ARID2: variants seen among roughly 807,000 people sequenced by gnomAD.
ARID2 encodes AT-rich interaction domain 2, also known as AT-rich interactive domain-containing protein 2.
A neutral mutation model predicts 184.6 loss-of-function variants in ARID2; 32 were observed. The ratio of observed to expected loss-of-function variants is 0.17; its 90% CI spans 0.13 to 0.23. ARID2 has a LOEUF of 0.23. Ranked by LOEUF, ARID2 falls within the 10% of genes least tolerant of loss-of-function variation. ARID2 has a pLI of 1.00. For missense variants in ARID2, 1,696 were observed against 2,197.6 expected (o/e 0.77, Z 4.56); for synonymous variants, 836 against 772.6 (o/e 1.08, Z -1.36).
At chr12:45,849,439 C>T (rs1353403873) in intron 13 of ARID2, 141 bp from the exon 14 acceptor site, 5 of 523,932 alleles carry the variant, frequency 9.5e-6, no homozygotes, top group Admixed American at 3.7e-5. Context: ...CTTTGCTTTC[C>T]ATCCTTGCAG....
At chr12:45,902,427 A>G (rs897631304) in intron 20 of ARID2, among the ~76,000 whole-genome samples, 5 of 152,166 alleles carry the variant, frequency 3.3e-5, no homozygotes, top group Admixed American at 6.5e-5. Context: ...GAAAAATATG[A>G]TTTTGTTAAC....
chr12:45,893,868 C>A, intron 20 of ARID2, 147 bp downstream of exon 20: 1 of 594,722 alleles, frequency 1.7e-6, no homozygotes, highest in Non-Finnish European at 2.7e-6. Context: ...TAGGTCAGGC[C>A]ATGATGAGCT....
intron 6 of ARID2, 79 bp from the exon 7 acceptor site, chr12:45,836,510 C>T: frequency 7.3e-7 from 1 of 1,362,324 alleles, no homozygotes; most frequent in Non-Finnish European, 1.0e-6. Flanking sequence ...GCCACCATAC[C>T]TAGCCTGTGT....
In ARID2 at chr12:45,852,607, A is replaced by T. The variant is rs1943575663; in HGVS notation, c.4484A>T (p.His1495Leu). The change falls in exon 15 of 21, where the codon CAT becomes CTT. Residue 1495 changes from histidine (H) to leucine (L), a missense_variant. Around this residue, in one of 11 missense-constraint regions of ARID2, gnomAD observed 428 missense variants for 409.1 expected, o/e 1.05. Coordinates refer to ENST00000334344, the MANE Select transcript of ARID2 (RefSeq NM_152641.4). ...CCCGACTCAGGATCAAAAGTATCCC[A>T]TTCTCCTGCCCTATCATCTGACGTT... ...AVPDSGSKVS[H>L]SPALSSDVRS... 2 of 1,614,180 alleles carry T rather than the reference A, an allele frequency of 1.2e-6. No homozygotes were observed. The highest frequency in any genetic ancestry group is 1.7e-6 in the Non-Finnish European group (2 of 1,180,004).
intron 10 of ARID2, 21 bp from the exon 11 acceptor site, chr12:45,839,308 A>G (rs1331685158): frequency 5.0e-6 from 8 of 1,587,796 alleles, no homozygotes; most frequent in African/African-American, 1.4e-5. Context: ...ACTAATAACT[A>G]TTGCTTTTTA....
chr12:45,769,605 G>T (rs557449860), intron 3 of ARID2, among the ~76,000 whole-genome samples: 3 of 152,240 alleles, frequency 2.0e-5, no homozygotes, highest in Non-Finnish European at 2.9e-5. Flanking sequence ...GAACAGAAAA[G>T]AACAGAAAAT....
chr12:45,747,646 C>T (rs978323317), intron 3 of ARID2, among the ~76,000 whole-genome samples: 1 of 152,090 alleles, frequency 6.6e-6, no homozygotes, highest in Non-Finnish European at 1.5e-5. Context: ...TTCTAACTTA[C>T]AGAATTAATA....
intron 3 of ARID2, among the ~76,000 whole-genome samples, chr12:45,765,987 A>G (rs2138016464): frequency 6.6e-6 from 1 of 152,310 alleles, no homozygotes; most frequent in African/African-American, 2.4e-5. Context: ...GTTGTTTCAT[A>G]TAGCAAAGTT....
In ARID2 at chr12:45,771,386, TG is replaced by T. The variant is rs1941873634; in HGVS notation, c.285-40029del. 2.0e-5 allele frequency among the ~76,000 whole-genome samples: 3 copies of T among 147,560 alleles called. No individual in the cohort carries two copies. In the South Asian group the frequency reaches 6.4e-4, roughly 31 times the overall value. ...AAAAAAAAAAAAAGCAATTGTGGGC[TG>T]GGTATGGTGGCTGAAACCTGAAATC... On this transcript the variant is annotated intron_variant, in intron 3 of 20. Coordinates refer to ENST00000334344, the MANE Select transcript of ARID2 (RefSeq NM_152641.4).
Position 45,851,977 on chromosome 12 carries a change from A to G in ARID2, c.3854A>G (p.Glu1285Gly). Residue 1285 changes from glutamate to glycine, a missense_variant, in exon 15 of 21, where the codon GAA becomes GGA. Glu to Gly is a moderately conservative substitution (Grantham distance 98, BLOSUM62 -2). Transcript: ENST00000334344. ...ATNTSNGDTKENEMHVGSLLN... is the reference protein window; with the variant it reads ...ATNTSNGDTKGNEMHVGSLLN... ...AACACCAGCAATGGGGATACAAAGG[A>G]AAATGAAATGCATGTGGGAAGTCTT... 2 of 1,614,144 alleles carry G rather than the reference A, an allele frequency of 1.2e-6. No individual in the cohort carries two copies. The highest frequency in any genetic ancestry group is 1.1e-5 in the South Asian group (1 of 91,082).
chr12:45,902,667 G>A (rs551296782), intron 20 of ARID2, among the ~76,000 whole-genome samples: 1 of 151,996 alleles, frequency 6.6e-6, no homozygotes, highest in African/African-American at 2.4e-5. Flanking sequence ...GAGTAGCTGG[G>A]ATTAGTAGCC....
chr12:45,885,730 T>C (rs1944175768), intron 16 of ARID2, among the ~76,000 whole-genome samples: 1 of 152,184 alleles, frequency 6.6e-6, no homozygotes, highest in African/African-American at 2.4e-5. Flanking sequence ...CATGTCCTTC[T>C]TCACATGGCA....
intron 3 of ARID2, among the ~76,000 whole-genome samples, chr12:45,806,703 A>C (rs1592088351): frequency 6.6e-6 from 1 of 152,018 alleles, no homozygotes; most frequent in African/African-American, 2.4e-5. Context: ...AAACTTTATT[A>C]TTTTTATGGT....
intron 3 of ARID2, among the ~76,000 whole-genome samples, chr12:45,810,912 A>G (rs953068789): frequency 6.6e-6 from 1 of 152,174 alleles, no homozygotes; most frequent in Admixed American, 6.5e-5. Flanking sequence ...AAATACTTTT[A>G]GAACCATTGC....
intron 3 of ARID2, among the ~76,000 whole-genome samples, chr12:45,760,530 G>A (rs1485889101): frequency 6.6e-6 from 1 of 151,486 alleles, no homozygotes; most frequent in Admixed American, 6.6e-5. Flanking sequence ...TGTGTTTTTT[G>A]TGTTTTTTTG....
chr12:45,731,207 G>GT lies in ARID2; in HGVS notation c.187-6dup. ...TTCACGTTCAGACAACTGTGCCTGTGTTTTACCAGGTTTCTGAGAAGAATC... is the reference window on the plus strand; with the variant it reads ...TTCACGTTCAGACAACTGTGCCTGTGTTTTTACCAGGTTTCTGAGAAGAATC... On this transcript the variant is annotated splice_polypyrimidine_tract_variant and intron_variant, in intron 2 of 20. Coordinates refer to ENST00000334344, the MANE Select transcript of ARID2 (RefSeq NM_152641.4). 7.5e-6 allele frequency: 12 copies of GT among 1,599,114 alleles called. No homozygotes were observed. Among genetic ancestry groups the GT allele is most frequent in the Non-Finnish European group, 8.6e-6 (10 of 1,166,348 alleles).
intron 3 of ARID2, among the ~76,000 whole-genome samples, chr12:45,779,848 A>G (rs979528835): frequency 3.3e-5 from 5 of 152,120 alleles, no homozygotes; most frequent in African/African-American, 1.2e-4. Flanking sequence ...TCATTTATCA[A>G]ATTTTAGGAA....
intron 16 of ARID2, among the ~76,000 whole-genome samples, chr12:45,873,815 A>G (rs1161998335): frequency 2.0e-5 from 3 of 152,238 alleles, no homozygotes; most frequent in African/African-American, 4.8e-5. Context: ...TTAGCAAGTC[A>G]TCATCTTTTT....
chr12:45,899,571 A>G (rs1156416613), intron 20 of ARID2, among the ~76,000 whole-genome samples: 2 of 149,470 alleles, frequency 1.3e-5, no homozygotes, highest in African/African-American at 4.9e-5. Flanking sequence ...CCACCACTGC[A>G]CTCCAGCCTG....
Sources: allele counts gnomAD v4.1 joint callset (sites outside exome capture counted in the v4.1 genomes callset), GRCh38; gene constraint gnomAD v4.1.1; regional missense constraint gnomAD v4.1.1; transcripts MANE v1.5; gene names NCBI Gene and HGNC (gene_info 2026-07-23, HGNC 2026-07-21).